The following PKHD1 variants were observed in gnomAD, a reference collection of about 807,000 sequenced individuals.
PKHD1 encodes PKHD1 ciliary IPT domain containing fibrocystin/polyductin.
Under a neutral mutation model 412.0 loss-of-function variants are expected in PKHD1, and 291 were observed. That is an observed-to-expected ratio of 0.71 (90% CI 0.64 to 0.78). The LOEUF is 0.78. PKHD1 is among the 30% of genes least tolerant of loss of function. The pLI, the probability that PKHD1 is intolerant of heterozygous loss-of-function variation, is 0.00. For missense variants in PKHD1, 4,825 were observed against 4,950.7 expected, an observed-to-expected ratio of 0.97 and a Z score of 0.76; for synonymous variants, 1,777 against 1,821.5, an observed-to-expected ratio of 0.98 and a Z score of 0.62.
intron 66 of PKHD1, among the ~76,000 whole-genome samples, chr6:51,626,320 T>C (rs1479893692): frequency 1.3e-5 from 2 of 152,156 alleles, no homozygotes; most frequent in African/African-American, 4.8e-5. Flanking sequence ...TATATGAATA[T>C]TTTTCATGTA....
intron 51 of PKHD1, among the ~76,000 whole-genome samples, chr6:51,832,937 G>A (rs1285527153): frequency 1.3e-5 from 2 of 152,064 alleles, no homozygotes; most frequent in Admixed American, 6.6e-5. Flanking sequence ...GCAATGTCTT[G>A]GAATAAGCAT....
Position 51,941,234 on chromosome 6 carries a change from G to T in PKHD1, c.5909-6912C>A, listed in dbSNP as rs559952046. On this transcript the variant is annotated intron_variant, in intron 36 of 66. Coordinates refer to ENST00000371117, the MANE Select transcript of PKHD1 (RefSeq NM_138694.4). Reference sequence around the variant, plus strand: ...GTTATCACTCACCTGTTACAGCATGGCCTTTTTTTTTTTTTTTTTTTTTTT... The same window carrying T: ...GTTATCACTCACCTGTTACAGCATGTCCTTTTTTTTTTTTTTTTTTTTTTT... Among the ~76,000 whole-genome samples, 88 of 123,214 alleles carry T rather than the reference G, an allele frequency of 7.1e-4. 1 individual carries two copies. In the East Asian group the frequency reaches 0.019, roughly 27 times the overall value. 80.8% of individuals were successfully genotyped at this position (123,214 alleles called of 152,430 possible).
intron 43 of PKHD1, among the ~76,000 whole-genome samples, chr6:51,899,351 G>C (rs1450466482): frequency 6.6e-6 from 1 of 151,708 alleles, no homozygotes; most frequent in African/African-American, 2.4e-5. Context: ...GGGATGCAAG[G>C]CTGGTTCAAT....
intron 66 of PKHD1, among the ~76,000 whole-genome samples, chr6:51,626,416 C>G (rs962466733): frequency 6.6e-6 from 1 of 152,190 alleles, no homozygotes; most frequent in South Asian, 2.1e-4. Flanking sequence ...GCAAAGCATT[C>G]ATCCCAGGCA....
chr6:51,628,916 A>T (rs1010411024), intron 65 of PKHD1, among the ~76,000 whole-genome samples: 5 of 152,178 alleles, frequency 3.3e-5, no homozygotes, highest in Non-Finnish European at 2.9e-5. Flanking sequence ...AGCTGCACAC[A>T]TACAACCATC....
intron 49 of PKHD1, among the ~76,000 whole-genome samples, chr6:51,848,231 A>G (rs1771568166): frequency 6.6e-6 from 1 of 152,194 alleles, no homozygotes; most frequent in Non-Finnish European, 1.5e-5. Flanking sequence ...TCGTTTAACA[A>G]TCTCAATTAC....
chr6:51,918,276 G>A (rs898738178), intron 37 of PKHD1, among the ~76,000 whole-genome samples: 2 of 151,962 alleles, frequency 1.3e-5, no homozygotes, highest in Admixed American at 6.6e-5. Context: ...GTATACACGT[G>A]CCATGGTGGT....
chr6:51,917,195 G>GGAGAGA (rs70977317), intron 37 of PKHD1, among the ~76,000 whole-genome samples: 13 of 113,936 alleles, frequency 1.1e-4, no homozygotes, highest in African/African-American at 3.7e-4. Context: ...GAGGTGGGGG[G>GGAGAGA]GAGAGAGAGA....
At chr6:51,965,146 T>C (rs1207502486) in intron 35 of PKHD1, among the ~76,000 whole-genome samples, 1 of 152,140 alleles carries the variant, frequency 6.6e-6, no homozygotes, top group African/African-American at 2.4e-5. Context: ...AAGGCGTTTC[T>C]CCCAAATAAA....
At chr6:52,037,216 C>A (rs1453298092) in intron 27 of PKHD1, among the ~76,000 whole-genome samples, 1 of 151,804 alleles carries the variant, frequency 6.6e-6, no homozygotes, top group East Asian at 1.9e-4. Flanking sequence ...ATATGCTTCA[C>A]CAAAATAAAT....
intron 65 of PKHD1, among the ~76,000 whole-genome samples, chr6:51,627,806 T>C (rs1375414325): frequency 6.6e-6 from 1 of 152,150 alleles, no homozygotes; most frequent in Non-Finnish European, 1.5e-5. Flanking sequence ...CTTCAGTCTA[T>C]TCCTGGCTGA....
rs62461295 is a variant in PKHD1 at position 51,697,622 on chromosome 6, C to G, written c.10157-37653G>C. 7.1e-3 allele frequency among the ~76,000 whole-genome samples: 1,082 copies of G among 152,332 alleles called. 6 individuals carry two copies. Among genetic ancestry groups the G allele is most frequent in the Non-Finnish European group, 0.01 (693 of 68,036 alleles). ...CCCCAGTTGTGGCAACTGAAAATAT[C>G]TGCAGACATTGCCAAATGTCCCCGA... On this transcript the variant is annotated intron_variant, in intron 60 of 66. Transcript: ENST00000371117.
chr6:51,786,925 GA>G (rs1792961594), intron 53 of PKHD1, among the ~76,000 whole-genome samples: 1 of 152,220 alleles, frequency 6.6e-6, no homozygotes, highest in Non-Finnish European at 1.5e-5. Flanking sequence ...AACGAAGAAT[GA>G]AATTGAGTTT....
chr6:51,942,640 C>G (rs1416590188), intron 36 of PKHD1, among the ~76,000 whole-genome samples: 2 of 151,400 alleles, frequency 1.3e-5, no homozygotes. Flanking sequence ...ACATTCACCC[C>G]CATTTCTCCA....
intron 49 of PKHD1, 29 bp from the exon 50 acceptor site, chr6:51,847,999 C>T (rs912754548): frequency 2.0e-6 from 3 of 1,517,822 alleles, no homozygotes; most frequent in East Asian, 2.3e-5. Flanking sequence ...CACAATAGTG[C>T]TCATTTAGTA....
At chr6:52,085,720 A>G (rs1812679476) in intron 1 of PKHD1, among the ~76,000 whole-genome samples, 1 of 152,106 alleles carries the variant, frequency 6.6e-6, no homozygotes, top group Non-Finnish European at 1.5e-5. Flanking sequence ...CCAGTCTTCT[A>G]TTTCCACAGC....
At chr6:52,072,753 A>G (rs1026627958) in intron 7 of PKHD1, among the ~76,000 whole-genome samples, 6 of 152,204 alleles carry the variant, frequency 3.9e-5, no homozygotes, top group African/African-American at 1.4e-4. Flanking sequence ...TGAAGGAAAA[A>G]TTAGACACCA....
intron 37 of PKHD1, among the ~76,000 whole-genome samples, chr6:51,923,947 G>A (rs1246842932): frequency 1.3e-5 from 2 of 152,156 alleles, no homozygotes; most frequent in Admixed American, 6.5e-5. Context: ...TCCCCTTGCA[G>A]GCCCCAGTTT....
chr6:51,763,263 A>C (rs1788354040), intron 55 of PKHD1, among the ~76,000 whole-genome samples: 1 of 152,110 alleles, frequency 6.6e-6, no homozygotes, highest in African/African-American at 2.4e-5. Flanking sequence ...GCATTGAAAG[A>C]TTTAAATGAG....
Sources: allele counts gnomAD v4.1 joint callset (sites outside exome capture counted in the v4.1 genomes callset), GRCh38; gene constraint gnomAD v4.1.1; transcripts MANE v1.5; gene names NCBI Gene and HGNC (gene_info 2026-07-23, HGNC 2026-07-21).